Variants in MED13L observed in about 807,000 individuals in gnomAD.
MED13L encodes the protein mediator of RNA polymerase II transcription subunit 13-like.
Under a neutral mutation model 220.9 loss-of-function variants are expected in MED13L, and 7 were observed. That is an observed-to-expected ratio of 0.03 (90% CI 0.02 to 0.06). The LOEUF (loss-of-function observed/expected upper bound fraction) is 0.06. MED13L is among the 10% of genes least tolerant of loss of function. MED13L has a pLI of 1.00. For missense variants in MED13L, 1,965 were observed against 2,760.5 expected, an observed-to-expected ratio of 0.71 and a Z score of 6.46; for synonymous variants, 1,011 against 1,015.2, an observed-to-expected ratio of 1.00 and a Z score of 0.08.
rs1437013631 is a variant in MED13L at position 116,277,051 on chromosome 12, G to C, written c.72+9C>G. 2 of 1,518,142 alleles carry C rather than the reference G, an allele frequency of 1.3e-6. No individual in the cohort carries two copies. Among genetic ancestry groups the C allele is most frequent in the South Asian group, 2.4e-5 (2 of 84,942 alleles). The allele number at this position is 1,518,142 out of a possible 1,614,324, so 94.0% of individuals were successfully genotyped here. A position where few individuals can be genotyped will look rare whatever the true frequency, so the allele number is the denominator to read the frequency against. ...GGCACAGCCCCCTCCCCGCAGCCCGGCTACTCACCAGCGAAAAGAGGTTGG... is the reference window on the plus strand; with the variant it reads ...GGCACAGCCCCCTCCCCGCAGCCCGCCTACTCACCAGCGAAAAGAGGTTGG... On this transcript the variant is annotated intron_variant, in intron 1 of 30. Transcript: ENST00000281928.
intron 2 of MED13L, among the ~76,000 whole-genome samples, chr12:116,208,253 C>A (rs1199072867): frequency 2.0e-5 from 3 of 152,098 alleles, no homozygotes; most frequent in Non-Finnish European, 4.4e-5. Context: ...AAAAATTAGC[C>A]AGGTATGGTG....
chr12:116,227,653 T>C (rs958254415), intron 2 of MED13L, among the ~76,000 whole-genome samples: 2 of 152,158 alleles, frequency 1.3e-5, no homozygotes, highest in Admixed American at 1.3e-4. Context: ...TTGATCACTA[T>C]TGTATGTGTT....
chr12:116,244,333 A>G (rs1205642355), intron 1 of MED13L, among the ~76,000 whole-genome samples: 1 of 152,192 alleles, frequency 6.6e-6, no homozygotes, highest in Admixed American at 6.5e-5. Flanking sequence ...ATAAACATAC[A>G]CATCTGCTTT....
intron 2 of MED13L, among the ~76,000 whole-genome samples, chr12:116,120,841 A>G (rs1440812802): frequency 6.6e-6 from 1 of 152,168 alleles, no homozygotes; most frequent in East Asian, 1.9e-4. Context: ...TATGTTTATA[A>G]GTCTAATTAT....
intron 17 of MED13L, among the ~76,000 whole-genome samples, chr12:115,987,655 A>G (rs1877787974): frequency 1.3e-5 from 2 of 152,202 alleles, no homozygotes; most frequent in Admixed American, 6.5e-5. Context: ...TTATTTGCAA[A>G]TATCAATGTT....
intron 2 of MED13L, chr12:116,232,280 A>G (rs988254714): frequency 4.9e-6 from 1 of 204,464 alleles, no homozygotes; most frequent in African/African-American, 2.4e-5. Context: ...TATAGGGACA[A>G]TCATTTTTAG....
chr12:116,242,343 C>A (rs1454407787), intron 1 of MED13L, among the ~76,000 whole-genome samples: 1 of 152,226 alleles, frequency 6.6e-6, no homozygotes, highest in Admixed American at 6.5e-5. Flanking sequence ...TTGTGCCCAG[C>A]CATACTGTCT....
At chr12:116,178,362 G>A (rs1880237140) in intron 2 of MED13L, among the ~76,000 whole-genome samples, 1 of 152,110 alleles carries the variant, frequency 6.6e-6, no homozygotes, top group African/African-American at 2.4e-5. Context: ...TTCATAATTT[G>A]GAGGAGCCAG....
chr12:116,087,015 T>G (rs1027525725), intron 4 of MED13L, among the ~76,000 whole-genome samples: 1 of 152,190 alleles, frequency 6.6e-6, no homozygotes, highest in Non-Finnish European at 1.5e-5. Context: ...AGATTTATAG[T>G]AGAAACACCT....
chr12:115,986,671 T>G (rs1565994743), intron 18 of MED13L, among the ~76,000 whole-genome samples, 182 bp from the exon 19 acceptor site: 1 of 151,982 alleles, frequency 6.6e-6, no homozygotes, highest in Admixed American at 6.5e-5. Context: ...GGACTCTTAA[T>G]TAAGTAAGTC....
intron 2 of MED13L, among the ~76,000 whole-genome samples, chr12:116,179,235 G>GTA (rs1880315247): frequency 6.8e-6 from 1 of 146,622 alleles, no homozygotes; most frequent in East Asian, 2.0e-4. Context: ...GTGTGTGTGT[G>GTA]TACACAATTT....
chr12:116,071,904 C>A (rs1200959979), intron 4 of MED13L, among the ~76,000 whole-genome samples: 1 of 152,188 alleles, frequency 6.6e-6, no homozygotes, highest in East Asian at 1.9e-4. Context: ...TATTTCCAGC[C>A]ATACTACCCT....
intron 2 of MED13L, among the ~76,000 whole-genome samples, chr12:116,236,588 T>TA (rs1315264051): frequency 6.6e-6 from 1 of 151,204 alleles, no homozygotes; most frequent in Admixed American, 6.6e-5. Context: ...ATTAACACAA[T>TA]ATAGTTTGGA....
At chr12:116,055,085 C>A (rs903918077) in intron 4 of MED13L, among the ~76,000 whole-genome samples, 2 of 152,106 alleles carry the variant, frequency 1.3e-5, no homozygotes, top group South Asian at 4.1e-4. Context: ...AAAGTATACG[C>A]TATTAACTAA....
At chr12:116,163,745 T>C (rs1420660677) in intron 2 of MED13L, among the ~76,000 whole-genome samples, 1 of 152,206 alleles carries the variant, frequency 6.6e-6, no homozygotes, top group East Asian at 1.9e-4. Context: ...TCATACATAA[T>C]AACTGCTTAG....
intron 2 of MED13L, among the ~76,000 whole-genome samples, chr12:116,183,805 T>C (rs900468168): frequency 7.6e-5 from 7 of 91,890 alleles, no homozygotes; most frequent in African/African-American, 3.2e-4. Context: ...GAAAAAATGG[T>C]GTGTGTGTGT....
In MED13L at chr12:116,237,557, C is replaced by G. The variant is rs1217509797; in HGVS notation, c.221G>C (p.Arg74Pro). Residue 74 changes from arginine to proline, a missense_variant, in exon 2 of 31, where the codon CGT (arginine) becomes CCT (proline). This residue lies in a region of MED13L where 818 missense variants were observed against 1,041.2 expected (regional missense o/e 0.79). Coordinates refer to ENST00000281928, the MANE Select transcript of MED13L (RefSeq NM_015335.5). ...LQANLLCVWRRDVKPDCKELW... is the reference protein window; with the variant it reads ...LQANLLCVWRPDVKPDCKELW... The stretch of plus-strand genomic sequence containing the variant: ...CTCTTTGCAATCTGGTTTGACATCA[C>G]GACGCCATACACAAAGCAGGTTAGC... 1.2e-6 allele frequency: 2 copies of G among 1,614,202 alleles called. No homozygotes were observed. The highest frequency in any genetic ancestry group is 1.7e-6 in the Non-Finnish European group (2 of 1,180,036).
At chr12:116,207,640 T>C (rs937377615) in intron 2 of MED13L, among the ~76,000 whole-genome samples, 5 of 152,072 alleles carry the variant, frequency 3.3e-5, no homozygotes, top group African/African-American at 1.2e-4. Context: ...AATAAAAAAA[T>C]TATGTTGAGC....
intron 1 of MED13L, among the ~76,000 whole-genome samples, chr12:116,262,308 A>G (rs934401245): frequency 2.0e-5 from 3 of 152,210 alleles, no homozygotes; most frequent in Non-Finnish European, 1.5e-5. Flanking sequence ...ATAACATACT[A>G]AAACTAGACT....
Sources: allele counts gnomAD v4.1 joint callset (sites outside exome capture counted in the v4.1 genomes callset), GRCh38; gene constraint gnomAD v4.1.1; regional missense constraint gnomAD v4.1.1; transcripts MANE v1.5; gene names NCBI Gene and HGNC (gene_info 2026-07-23, HGNC 2026-07-21).